The following ZFAND3 variants were observed in gnomAD, a reference collection of about 807,000 sequenced individuals.
ZFAND3 encodes AN1-type zinc finger protein 3.
ZFAND3 carries 10 observed loss-of-function variants against 29.6 expected under a neutral mutation model. The ratio of observed to expected loss-of-function variants is 0.34; its 90% CI spans 0.21 to 0.57. The LOEUF is 0.57. ZFAND3 is among the 20% of genes least tolerant of loss of function. The probability of loss-of-function intolerance (pLI) is 0.86; values close to 1 mark genes in which losing one functional copy is unlikely to be tolerated. For synonymous variants in ZFAND3, 128 were observed against 112.6 expected (o/e 1.14, Z -0.87); for missense variants, 230 against 304.5 (o/e 0.76, Z 1.82).
intron 2 of ZFAND3, among the ~76,000 whole-genome samples, chr6:37,995,893 G>A (rs1239767993): frequency 1.3e-5 from 2 of 152,074 alleles, no homozygotes; most frequent in Non-Finnish European, 2.9e-5. Flanking sequence ...TTGGGAGGCC[G>A]AGGCAGGTGT....
chr6:37,867,111 T>C (rs1371166665), intron 1 of ZFAND3, among the ~76,000 whole-genome samples: 3 of 152,216 alleles, frequency 2.0e-5, no homozygotes, highest in African/African-American at 7.2e-5. Flanking sequence ...GTGGCAAAGC[T>C]AGTTTAAAGA....
intron 4 of ZFAND3, among the ~76,000 whole-genome samples, chr6:38,084,677 C>T (rs1764725248): frequency 6.6e-6 from 1 of 152,086 alleles, no homozygotes; most frequent in South Asian, 2.1e-4. Context: ...TTTAGATCTC[C>T]GTTAGTGAAA....
At chr6:37,937,601 G>C (rs369662893) in intron 2 of ZFAND3, among the ~76,000 whole-genome samples, 1 of 133,932 alleles carries the variant, frequency 7.5e-6, no homozygotes, top group Non-Finnish European at 1.5e-5. Context: ...GTTGCAGTGA[G>C]CCGAGATCAC....
intron 1 of ZFAND3, among the ~76,000 whole-genome samples, chr6:37,825,418 C>G (rs1763740939): frequency 6.6e-6 from 1 of 152,198 alleles, no homozygotes; most frequent in Non-Finnish European, 1.5e-5. Context: ...TAAGTATTCA[C>G]TGTCGGTTCA....
chr6:37,989,698 C>A (rs1204627282), intron 2 of ZFAND3, among the ~76,000 whole-genome samples: 1 of 152,040 alleles, frequency 6.6e-6, no homozygotes, highest in Non-Finnish European at 1.5e-5. Context: ...ATTGCAAGGG[C>A]CATGAAACTG....
chr6:38,019,705 T>A (rs894676060), intron 2 of ZFAND3, among the ~76,000 whole-genome samples: 1 of 152,192 alleles, frequency 6.6e-6, no homozygotes, highest in Non-Finnish European at 1.5e-5. Context: ...TCTTAAACAT[T>A]AATATCAAAA....
intron 3 of ZFAND3, among the ~76,000 whole-genome samples, chr6:38,077,566 GT>G (rs2127469254): frequency 6.6e-6 from 1 of 152,318 alleles, no homozygotes; most frequent in African/African-American, 2.4e-5. Context: ...TTCTGGCAAT[GT>G]TTAGCTGACC....
intron 1 of ZFAND3, 29 bp downstream of exon 1, chr6:37,820,045 G>T: frequency 8.3e-7 from 1 of 1,209,112 alleles, no homozygotes; most frequent in Non-Finnish European, 1.0e-6. Flanking sequence ...GGGGGCGGGG[G>T]GCGGGGGCCG....
At chr6:38,069,918 T>G (rs1212146132) in intron 3 of ZFAND3, among the ~76,000 whole-genome samples, 1 of 152,230 alleles carries the variant, frequency 6.6e-6, no homozygotes, top group Non-Finnish European at 1.5e-5. Flanking sequence ...TCAAAACTTT[T>G]AATCCTATTT....
In ZFAND3 at chr6:38,153,682, GTGGGCCTGGTTGCCCCATGT is replaced by G. The variant is rs1766284581; in HGVS notation, c.*1295_*1314del. ...GCACGCCAGGTGGGGAAGGGTGGGGGTGGGCCTGGTTGCCCCATGTTAGGAAATCACTACCAGTCAGGTGG... is the reference window on the plus strand; with the variant it reads ...GCACGCCAGGTGGGGAAGGGTGGGGGTAGGAAATCACTACCAGTCAGGTGG... On this transcript the variant is annotated 3_prime_UTR_variant, in exon 6 of 6. Transcript: ENST00000287218. The G allele has an allele frequency of 1.0e-6, 1 of 985,328 alleles. No individual in the cohort carries two copies. The highest frequency in any genetic ancestry group is 4.7e-5 in the South Asian group (1 of 21,272). The allele number at this position is 985,328 out of a possible 1,614,324, so 61.0% of individuals were successfully genotyped here.
intron 4 of ZFAND3, among the ~76,000 whole-genome samples, chr6:38,094,573 T>C (rs909239541): frequency 2.6e-5 from 4 of 152,220 alleles, no homozygotes; most frequent in African/African-American, 9.6e-5. Context: ...GTCCTCCTTT[T>C]TGAGATGTCA....
chr6:37,905,859 G>C (rs1041367390), intron 1 of ZFAND3, among the ~76,000 whole-genome samples: 1 of 151,940 alleles, frequency 6.6e-6, no homozygotes, highest in Admixed American at 6.6e-5. Context: ...AAAGTTGCTA[G>C]CATACATCTT....
intron 4 of ZFAND3, among the ~76,000 whole-genome samples, chr6:38,103,564 G>A (rs956910609): frequency 6.0e-5 from 8 of 133,684 alleles, no homozygotes; most frequent in East Asian, 4.2e-4. Flanking sequence ...CACACTTCAC[G>A]GACTTCTCAA....
At chr6:37,879,351 T>G (rs1370575934) in intron 1 of ZFAND3, among the ~76,000 whole-genome samples, 1 of 151,096 alleles carries the variant, frequency 6.6e-6, no homozygotes, top group Non-Finnish European at 1.5e-5. Context: ...TTTTTTTTTG[T>G]GGGGGAGCGG....
chr6:37,855,918 G>T (rs574642909), intron 1 of ZFAND3, among the ~76,000 whole-genome samples: 1 of 151,832 alleles, frequency 6.6e-6, no homozygotes, highest in African/African-American at 2.4e-5. Flanking sequence ...GAATGCTGAC[G>T]TTGCATACAA....
chr6:38,123,475 G>T (rs1391719596), intron 5 of ZFAND3, among the ~76,000 whole-genome samples: 6 of 152,222 alleles, frequency 3.9e-5, no homozygotes, highest in Non-Finnish European at 7.3e-5. Flanking sequence ...GCCTTATTCT[G>T]TTCACAGTGT....
At chr6:37,998,431 T>C (rs1762889338) in intron 2 of ZFAND3, among the ~76,000 whole-genome samples, 1 of 151,526 alleles carries the variant, frequency 6.6e-6, no homozygotes, top group South Asian at 2.1e-4. Context: ...GAATGAATTT[T>C]AATGTGTGAA....
chr6:38,153,418 C>T lies in ZFAND3; in HGVS notation c.*1029C>T, dbSNP rs149307434. On this transcript the variant is annotated 3_prime_UTR_variant, in exon 6 of 6. Coordinates refer to ENST00000287218, the MANE Select transcript of ZFAND3 (RefSeq NM_021943.3). ...AGGATGATGTCGTGGCCTCCATTCT[C>T]GTTTCTATGCAGCCCCATAGTCCAA... 9.1e-5 allele frequency: 90 copies of T among 985,496 alleles called. No homozygotes were observed. Among genetic ancestry groups the T allele is most frequent in the African/African-American group, 1.9e-4 (11 of 57,376 alleles). The allele number at this position is 985,496 out of a possible 1,614,324, so 61.0% of individuals were successfully genotyped here. A position where few individuals can be genotyped will look rare whatever the true frequency, so the allele number is the denominator to read the frequency against.
chr6:37,911,056 C>G (rs149191128), intron 1 of ZFAND3, among the ~76,000 whole-genome samples: 1 of 152,082 alleles, frequency 6.6e-6, no homozygotes, highest in Non-Finnish European at 1.5e-5. Flanking sequence ...TGGATATATA[C>G]GCAGAAGTGG....
Sources: allele counts gnomAD v4.1 joint callset (sites outside exome capture counted in the v4.1 genomes callset), GRCh38; gene constraint gnomAD v4.1.1; transcripts MANE v1.5; gene names NCBI Gene and HGNC (gene_info 2026-07-23, HGNC 2026-07-21).